CSMD3: variants seen among roughly 807,000 people sequenced by gnomAD.
CSMD3 encodes the protein CUB and Sushi multiple domains 3.
A neutral mutation model predicts 435.2 loss-of-function variants in CSMD3; 177 were observed. That is an observed-to-expected ratio of 0.41 (90% CI 0.36 to 0.46). CSMD3 has a LOEUF of 0.46. Among genes scored for constraint, CSMD3 ranks in the 20% least tolerant of loss-of-function variants. CSMD3 has a pLI of 0.34. For missense variants in CSMD3, 4,265 were observed against 4,504.6 expected, an observed-to-expected ratio of 0.95 and a Z score of 1.52; for synonymous variants, 1,656 against 1,520.5, an observed-to-expected ratio of 1.09 and a Z score of -2.07.
chr8:112,804,665 ATTT>A (rs1352937283), intron 12 of CSMD3, among the ~76,000 whole-genome samples: 1 of 149,124 alleles, frequency 6.7e-6, no homozygotes, highest in African/African-American at 2.5e-5. Context: ...ATTTTATTTT[ATTT>A]TATTTTATTT....
At chr8:113,099,416 A>T (rs1404303780) in intron 4 of CSMD3, among the ~76,000 whole-genome samples, 1 of 152,080 alleles carries the variant, frequency 6.6e-6, no homozygotes, top group African/African-American at 2.4e-5. Context: ...TTAAGAGACA[A>T]TATAATATAG....
chr8:112,843,719 G>A (rs1175941010), intron 11 of CSMD3, among the ~76,000 whole-genome samples: 1 of 151,728 alleles, frequency 6.6e-6, no homozygotes. Context: ...AAGATATTAA[G>A]GAACTACAAG....
At chr8:112,866,002 T>A (rs772764517) in intron 10 of CSMD3, among the ~76,000 whole-genome samples, 11 of 152,178 alleles carry the variant, frequency 7.2e-5, no homozygotes, top group Non-Finnish European at 1.6e-4. Context: ...ATGTGGTAAT[T>A]AATCCACAAA....
intron 64 of CSMD3, 64 bp downstream of exon 64, chr8:112,246,956 T>G (rs569265809): frequency 1.7e-5 from 19 of 1,125,054 alleles, no homozygotes; most frequent in Non-Finnish European, 2.4e-5. Context: ...TTTGAATACT[T>G]GGGAGAAAAA....
chr8:112,849,706 T>C (rs888851856), intron 11 of CSMD3, among the ~76,000 whole-genome samples: 5 of 151,524 alleles, frequency 3.3e-5, no homozygotes, highest in African/African-American at 1.2e-4. Flanking sequence ...AAAAACAAAA[T>C]GATGCATATC....
intron 24 of CSMD3, among the ~76,000 whole-genome samples, chr8:112,558,248 C>G (rs115473946): frequency 2.4e-4 from 36 of 151,860 alleles, no homozygotes; most frequent in African/African-American, 8.4e-4. Context: ...AACCTCTCCC[C>G]CAAAGCGAGC....
At chr8:113,082,415 A>G (rs999432162) in intron 5 of CSMD3, among the ~76,000 whole-genome samples, 2 of 152,322 alleles carry the variant, frequency 1.3e-5, no homozygotes, top group African/African-American at 4.8e-5. Context: ...CAAAGATTAT[A>G]CAACTGTGCC....
At chr8:112,599,537 A>T (rs1832114120) in intron 22 of CSMD3, among the ~76,000 whole-genome samples, 1 of 152,044 alleles carries the variant, frequency 6.6e-6, no homozygotes, top group South Asian at 2.1e-4. Context: ...ACAAAGGACT[A>T]TAAATCATGC....
At chr8:112,903,843 G>A (rs2130465188) in intron 10 of CSMD3, among the ~76,000 whole-genome samples, 1 of 151,350 alleles carries the variant, frequency 6.6e-6, no homozygotes, top group Non-Finnish European at 1.5e-5. Context: ...TCCGAAAGCT[G>A]TCACTCTGTC....
chr8:112,851,537 G>A (rs2080487673), intron 11 of CSMD3, among the ~76,000 whole-genome samples: 2 of 152,044 alleles, frequency 1.3e-5, no homozygotes, highest in African/African-American at 4.8e-5. Flanking sequence ...AGGCCGAGGC[G>A]GGCAGATCAT....
At chr8:113,182,110 T>C (rs2092429544) in intron 3 of CSMD3, among the ~76,000 whole-genome samples, 2 of 152,156 alleles carry the variant, frequency 1.3e-5, no homozygotes, top group South Asian at 2.1e-4. Flanking sequence ...ACCATTTCTA[T>C]CTTGTTGAAA....
intron 6 of CSMD3, among the ~76,000 whole-genome samples, chr8:113,004,530 T>A (rs920102483): frequency 1.3e-5 from 2 of 152,000 alleles, no homozygotes; most frequent in African/African-American, 4.8e-5. Context: ...AAGATTGTCA[T>A]AACAAAAGAT....
At chr8:112,587,984 G>A (rs181776958) in intron 22 of CSMD3, among the ~76,000 whole-genome samples, 4 of 151,778 alleles carry the variant, frequency 2.6e-5, no homozygotes, top group African/African-American at 4.8e-5. Context: ...AATTTAGTTC[G>A]AACTTAATTT....
chr8:112,905,227 C>T (rs2082223942), intron 10 of CSMD3, among the ~76,000 whole-genome samples: 1 of 150,820 alleles, frequency 6.6e-6, no homozygotes, highest in South Asian at 2.1e-4. Flanking sequence ...TTAACATAGT[C>T]GGCCTTATGT....
chr8:112,484,773 A>T (rs1232894440), intron 31 of CSMD3, among the ~76,000 whole-genome samples: 2 of 152,044 alleles, frequency 1.3e-5, no homozygotes, highest in East Asian at 3.9e-4. Context: ...CACCAACATG[A>T]TATTCAAAGT....
intron 17 of CSMD3, among the ~76,000 whole-genome samples, chr8:112,659,587 C>T (rs1307151679): frequency 1.3e-5 from 2 of 151,932 alleles, no homozygotes; most frequent in Non-Finnish European, 2.9e-5. Context: ...GAAAAGGAAC[C>T]GAAAAATACA....
chr8:112,933,106 T>G (rs970499787), intron 9 of CSMD3, among the ~76,000 whole-genome samples: 1 of 152,120 alleles, frequency 6.6e-6, no homozygotes, highest in Non-Finnish European at 1.5e-5. Context: ...TGGGAGTAAC[T>G]GCAAGATGAC....
At chr8:112,926,412 TA>T (rs2082913453) in intron 9 of CSMD3, among the ~76,000 whole-genome samples, 2 of 152,134 alleles carry the variant, frequency 1.3e-5, no homozygotes, top group African/African-American at 2.4e-5. Flanking sequence ...TCCACTTTAA[TA>T]AGTTATTCAT....
At chr8:113,024,162 C>A (rs1485416037) in intron 5 of CSMD3, among the ~76,000 whole-genome samples, 3 of 152,030 alleles carry the variant, frequency 2.0e-5, no homozygotes, top group African/African-American at 7.2e-5. Flanking sequence ...TGGGTGAGAA[C>A]ATTTGATATT....
Sources: gnomAD v4.1 joint callset for allele counts (sites outside exome capture counted in the v4.1 genomes callset) on GRCh38, gnomAD v4.1.1 for gene constraint, MANE v1.5 for transcripts, NCBI Gene and HGNC (gene_info 2026-07-23, HGNC 2026-07-21) for gene names.